Variants in RRBP1 observed in about 807,000 individuals in gnomAD.
RRBP1 encodes the protein ribosome-binding protein 1.
Under a neutral mutation model 165.2 loss-of-function variants are expected in RRBP1, and 94 were observed. That is an observed-to-expected ratio of 0.57 (90% CI 0.48 to 0.68). The LOEUF is 0.68. Ranked by LOEUF, RRBP1 falls within the 30% of genes least tolerant of loss-of-function variation. The pLI is 0.00. For synonymous variants in RRBP1, 680 were observed against 714.5 expected, an observed-to-expected ratio of 0.95 and a Z score of 0.77; for missense variants, 1,676 against 1,763.0, an observed-to-expected ratio of 0.95 and a Z score of 0.88.
At chr20:17,634,613 C>A (rs2036214475) in intron 7 of RRBP1, among the ~76,000 whole-genome samples, 1 of 152,244 alleles carries the variant, frequency 6.6e-6, no homozygotes, top group Non-Finnish European at 1.5e-5. Flanking sequence ...GGCAGGGCCA[C>A]TGCCTCAGCG....
At chr20:17,647,894 C>G (rs964625808) in intron 3 of RRBP1, among the ~76,000 whole-genome samples, 1 of 152,192 alleles carries the variant, frequency 6.6e-6, no homozygotes, top group Non-Finnish European at 1.5e-5. Context: ...CAAGCCAGAT[C>G]GCAATCTTGG....
At chr20:17,615,777 C>T (rs1357589208) in intron 22 of RRBP1, 149 bp downstream of exon 22, 8 of 719,026 alleles carry the variant, frequency 1.1e-5, no homozygotes, top group East Asian at 5.5e-5. Flanking sequence ...TCCACCTGCC[C>T]GGGCCCCACC....
At chr20:17,673,128 TAAAG>T (rs1010733259) in intron 2 of RRBP1, among the ~76,000 whole-genome samples, 1 of 152,232 alleles carries the variant, frequency 6.6e-6, no homozygotes, top group African/African-American at 2.4e-5. Context: ...TTTACTTTAA[TAAAG>T]AGTTTAAAAT....
chr20:17,651,024 G>A (rs928213278), intron 3 of RRBP1, among the ~76,000 whole-genome samples: 5 of 152,224 alleles, frequency 3.3e-5, no homozygotes, highest in African/African-American at 9.6e-5. Flanking sequence ...GGACACGTGC[G>A]TCAGCTGACA....
At chr20:17,616,353 G>C (rs879359710) in intron 21 of RRBP1, among the ~76,000 whole-genome samples, 2 of 152,174 alleles carry the variant, frequency 1.3e-5, no homozygotes, top group African/African-American at 4.8e-5. Flanking sequence ...GGCTATTGCC[G>C]GGCTCAAAAC....
chr20:17,661,739 C>G (rs1459151742), intron 2 of RRBP1, among the ~76,000 whole-genome samples: 1 of 152,080 alleles, frequency 6.6e-6, no homozygotes, highest in East Asian at 1.9e-4. Context: ...AGGCCTCCCC[C>G]AGCATTGCCC....
At chr20:17,620,099 G>A (rs562504631) in intron 18 of RRBP1, among the ~76,000 whole-genome samples, 200 bp downstream of exon 18, 11 of 152,252 alleles carry the variant, frequency 7.2e-5, no homozygotes, top group Non-Finnish European at 1.6e-4. Flanking sequence ...CCCGTGGCTG[G>A]GTCTCAGGGT....
In RRBP1 at chr20:17,660,415, GA is replaced by G; in HGVS notation, c.92del (p.Phe31SerfsTer3). On this transcript the variant is annotated frameshift_variant, in exon 3 of 25. Transcript: ENST00000377813. LOFTEE classifies it high-confidence loss of function. ...CTTCATATGACGTTTCCTTCATGGA[GA>G]AAGTCGACACCAGGAAGATGCCAAT... ...SAIGIFLVSTFSMKETSYEEA... is the reference protein window; with the variant it reads ...SAIGIFLVSTXSMKETSYEEA... 1 of 1,614,120 alleles carries G rather than the reference GA, an allele frequency of 6.2e-7. No individual in the cohort carries two copies.
At chr20:17,637,487 G>C (rs2036269476) in intron 5 of RRBP1, among the ~76,000 whole-genome samples, 7 of 152,186 alleles carry the variant, frequency 4.6e-5, no homozygotes, top group African/African-American at 1.7e-4. Flanking sequence ...GGCCTGGACA[G>C]ACCAGCACTG....
chr20:17,662,241 C>T (rs1021800231), intron 2 of RRBP1, among the ~76,000 whole-genome samples: 6 of 149,374 alleles, frequency 4.0e-5, no homozygotes, highest in Non-Finnish European at 7.4e-5. Context: ...CTAGCCTGGG[C>T]GACAGAGCGA....
chr20:17,665,041 A>T (rs2036842056), intron 2 of RRBP1, among the ~76,000 whole-genome samples: 3 of 152,184 alleles, frequency 2.0e-5, no homozygotes, highest in South Asian at 4.1e-4. Context: ...CCAAACCCTA[A>T]CATTTTGCCA....
intron 19 of RRBP1, 199 bp from the exon 20 acceptor site, chr20:17,618,878 TG>T (rs1430815220): frequency 3.4e-6 from 2 of 588,514 alleles, no homozygotes; most frequent in African/African-American, 1.9e-5. Context: ...TTAGGAAGAA[TG>T]GTGTTCACTG....
At chr20:17,671,755 C>G (rs2036984001) in intron 2 of RRBP1, among the ~76,000 whole-genome samples, 1 of 152,156 alleles carries the variant, frequency 6.6e-6, no homozygotes, top group Admixed American at 6.5e-5. Flanking sequence ...GCCAAAGGCC[C>G]CCGGGGTTGT....
At chr20:17,636,162 G>A (rs985699110) in intron 6 of RRBP1, among the ~76,000 whole-genome samples, 6 of 152,314 alleles carry the variant, frequency 3.9e-5, no homozygotes, top group Non-Finnish European at 4.4e-5. Context: ...AGTGCTGGCC[G>A]CTGGAGCTGT....
At chr20:17,628,622 G>C (rs2036081338) in intron 9 of RRBP1, among the ~76,000 whole-genome samples, 1 of 152,192 alleles carries the variant, frequency 6.6e-6, no homozygotes, top group Admixed American at 6.5e-5. Flanking sequence ...GGGTGACCTG[G>C]CCCTGCCCCG....
chr20:17,668,540 C>T (rs2036913232), intron 2 of RRBP1, among the ~76,000 whole-genome samples: 1 of 152,200 alleles, frequency 6.6e-6, no homozygotes, highest in Admixed American at 6.5e-5. Flanking sequence ...TTACAAGAGG[C>T]ATGGTCTCCT....
chr20:17,663,357 G>T (rs1360976495), intron 2 of RRBP1, among the ~76,000 whole-genome samples: 1 of 152,224 alleles, frequency 6.6e-6, no homozygotes, highest in Non-Finnish European at 1.5e-5. Context: ...CATATTCTCT[G>T]TTGGGACCCA....
intron 8 of RRBP1, among the ~76,000 whole-genome samples, chr20:17,631,716 G>C (rs1484831432): frequency 6.6e-6 from 1 of 152,240 alleles, no homozygotes; most frequent in African/African-American, 2.4e-5. Flanking sequence ...CGTCCGGGGA[G>C]AGACAGGCAA....
intron 13 of RRBP1, 51 bp downstream of exon 13, chr20:17,624,525 C>T (rs1462221127): frequency 8.1e-7 from 1 of 1,239,064 alleles, no homozygotes; most frequent in Non-Finnish European, 1.2e-6. Context: ...TGCATTTGTG[C>T]ATCCTAGTGC....
Sources: allele counts gnomAD v4.1 joint callset (sites outside exome capture counted in the v4.1 genomes callset), GRCh38; gene constraint gnomAD v4.1.1; transcripts MANE v1.5; gene names NCBI Gene and HGNC (gene_info 2026-07-23, HGNC 2026-07-21).